The following ETF1 variants were observed in gnomAD, a reference collection of about 807,000 sequenced individuals.
The protein encoded by ETF1 is eukaryotic peptide chain release factor subunit 1.
ETF1 carries 4 observed loss-of-function variants against 55.1 expected under a neutral mutation model. The observed-to-expected ratio is 0.07, with a 90% CI of 0.04 to 0.17. The LOEUF is 0.17. Ranked by LOEUF, ETF1 falls within the 10% of genes least tolerant of loss-of-function variation. The pLI, the probability that ETF1 is intolerant of heterozygous loss-of-function variation, is 1.00. For synonymous variants in ETF1, 157 were observed against 182.3 expected, an observed-to-expected ratio of 0.86 and a Z score of 1.12; for missense variants, 142 against 523.6, an observed-to-expected ratio of 0.27 and a Z score of 7.11.
At chr5:138,541,481 C>A (rs778992474) in intron 2 of ETF1, 2 of 1,405,168 alleles carry the variant, frequency 1.4e-6, no homozygotes, top group Non-Finnish European at 1.9e-6. Flanking sequence ...ACAGAACTGT[C>A]CCTAATTTAT....
intron 2 of ETF1, chr5:138,542,604 G>A: frequency 7.1e-7 from 1 of 1,412,984 alleles, no homozygotes; most frequent in Non-Finnish European, 9.2e-7. Context: ...GGGGCCGAGT[G>A]ATCTAAACCG....
chr5:138,533,348 T>A (rs919708177), intron 2 of ETF1, among the ~76,000 whole-genome samples: 1 of 152,004 alleles, frequency 6.6e-6, no homozygotes, highest in Non-Finnish European at 1.5e-5. Context: ...TACTCTTTTT[T>A]AAGCAAACAC....
intron 5 of ETF1, 31 bp downstream of exon 5, chr5:138,513,533 AAAGT>A: frequency 6.5e-7 from 1 of 1,535,742 alleles, no homozygotes; most frequent in Non-Finnish European, 9.0e-7. Context: ...TGCTAGACAC[AAAGT>A]AAGTGGGTTC....
At chr5:138,527,654 G>C (rs1161833136) in intron 2 of ETF1, among the ~76,000 whole-genome samples, 1 of 152,170 alleles carries the variant, frequency 6.6e-6, no homozygotes, top group African/African-American at 2.4e-5. Context: ...CTCATGCACA[G>C]GGAGAATACG....
chr5:138,508,939 G>A (rs1764657047), intron 9 of ETF1, 123 bp from the exon 10 acceptor site: 1 of 1,457,066 alleles, frequency 6.9e-7, no homozygotes, highest in Admixed American at 2.6e-5. Context: ...ATGTCTGTGT[G>A]TAAAGCTCTG....
intron 2 of ETF1, among the ~76,000 whole-genome samples, chr5:138,541,328 T>G (rs1428158169): frequency 6.6e-6 from 1 of 152,214 alleles, no homozygotes; most frequent in Admixed American, 6.5e-5. Context: ...GGTCTGGATA[T>G]TCTATTGAAT....
chr5:138,517,735 C>T (rs372553403), intron 3 of ETF1, 35 bp from the exon 4 acceptor site: 273 of 1,395,042 alleles, frequency 2.0e-4, no homozygotes, highest in Non-Finnish European at 2.4e-4. Context: ...CTACTTTACC[C>T]CATATCTAGT....
chr5:138,517,948 TC>T, intron 3 of ETF1: 1 of 935,810 alleles, frequency 1.1e-6, no homozygotes, highest in Non-Finnish European at 1.3e-6. Context: ...ACGCCTGTAA[TC>T]CCAGCACTCT....
intron 2 of ETF1, among the ~76,000 whole-genome samples, chr5:138,540,048 T>C (rs895992546): frequency 1.3e-5 from 2 of 152,242 alleles, no homozygotes; most frequent in African/African-American, 4.8e-5. Context: ...TCAGATGTAG[T>C]TAGTGAGCCC....
chr5:138,528,697 A>C (rs1231013044), intron 2 of ETF1, among the ~76,000 whole-genome samples: 3 of 152,074 alleles, frequency 2.0e-5, no homozygotes, highest in East Asian at 3.9e-4. Context: ...CCCTCCCCCT[A>C]CCTTCTATGG....
chr5:138,530,055 A>T (rs1226146118), intron 2 of ETF1, among the ~76,000 whole-genome samples: 1 of 152,106 alleles, frequency 6.6e-6, no homozygotes, highest in African/African-American at 2.4e-5. Flanking sequence ...ACCCACAAGG[A>T]TCTTAATCAA....
intron 4 of ETF1, among the ~76,000 whole-genome samples, chr5:138,514,592 G>T (rs576818854): frequency 6.6e-6 from 1 of 150,752 alleles, no homozygotes; most frequent in Non-Finnish European, 1.5e-5. Flanking sequence ...TTTGAGACAG[G>T]GTCTCACTTT....
chr5:138,517,369 T>TA (rs1033311791), intron 4 of ETF1, among the ~76,000 whole-genome samples, 192 bp downstream of exon 4: 8 of 145,532 alleles, frequency 5.5e-5, no homozygotes, highest in South Asian at 2.2e-4. Context: ...AGACTCCGTC[T>TA]AAAAAAAAAA....
intron 2 of ETF1, among the ~76,000 whole-genome samples, chr5:138,527,367 C>G (rs1765516771): frequency 1.3e-5 from 2 of 152,214 alleles, no homozygotes; most frequent in African/African-American, 2.4e-5. Flanking sequence ...GCTGCCACCC[C>G]TTGGATAGGG....
At chr5:138,525,432 A>C (rs1020326504) in intron 2 of ETF1, among the ~76,000 whole-genome samples, 8 of 150,656 alleles carry the variant, frequency 5.3e-5, no homozygotes, top group Non-Finnish European at 7.4e-5. Context: ...ATGGGATTAC[A>C]GGCGTGAGCC....
At chr5:138,518,088 G>C (rs1004151873) in intron 3 of ETF1, among the ~76,000 whole-genome samples, 1 of 151,394 alleles carries the variant, frequency 6.6e-6, no homozygotes, top group Admixed American at 6.6e-5. Flanking sequence ...TGTAGTCCCA[G>C]CTACTCGAGA....
intron 2 of ETF1, among the ~76,000 whole-genome samples, chr5:138,523,095 A>G (rs1765302684): frequency 2.7e-5 from 4 of 150,614 alleles, no homozygotes; most frequent in South Asian, 4.2e-4. Context: ...TAGACAGGGC[A>G]CAGTGGCTCA....
At chr5:138,512,258 A>ATATTTTTT (rs1484458741) in intron 6 of ETF1, among the ~76,000 whole-genome samples, 2 of 20,006 alleles carry the variant, frequency 1.0e-4, no homozygotes, top group Admixed American at 8.7e-4. Flanking sequence ...ATATATATAT[A>ATATTTTTT]TTTTTTTTTT....
intron 7 of ETF1, 91 bp downstream of exon 7, chr5:138,511,384 G>A (rs1357809843): frequency 1.4e-5 from 19 of 1,325,804 alleles, no homozygotes; most frequent in African/African-American, 4.7e-5. Flanking sequence ...ATACAATCAC[G>A]TACATACACA....
Sources: gnomAD v4.1 joint callset for allele counts (sites outside exome capture counted in the v4.1 genomes callset) on GRCh38, gnomAD v4.1.1 for gene constraint, MANE v1.5 for transcripts, NCBI Gene and HGNC (gene_info 2026-07-23, HGNC 2026-07-21) for gene names.